PDGFC: variants seen among roughly 807,000 people sequenced by gnomAD.
The protein encoded by PDGFC is platelet-derived growth factor C.
In PDGFC, 12 loss-of-function variants were observed where a neutral mutation model predicts 35.5. The ratio of observed to expected loss-of-function variants is 0.34; its 90% CI spans 0.22 to 0.55. The LOEUF (loss-of-function observed/expected upper bound fraction) is 0.55. Ranked by LOEUF, PDGFC falls within the 20% of genes least tolerant of loss-of-function variation. PDGFC has a pLI of 0.91. For synonymous variants in PDGFC, 159 were observed against 148.8 expected, an observed-to-expected ratio of 1.07 and a Z score of -0.50; for missense variants, 322 against 412.4, an observed-to-expected ratio of 0.78 and a Z score of 1.90.
At chr4:156,901,490 T>C (rs527879477) in intron 1 of PDGFC, among the ~76,000 whole-genome samples, 1 of 152,086 alleles carries the variant, frequency 6.6e-6, no homozygotes. Context: ...GTACATGACA[T>C]ACAGCAATGG....
At chr4:156,787,958 G>C (rs770381059) in intron 3 of PDGFC, among the ~76,000 whole-genome samples, 4 of 152,128 alleles carry the variant, frequency 2.6e-5, no homozygotes, top group Non-Finnish European at 5.9e-5. Context: ...GTCTAGGAGA[G>C]GAGTAGAGAA....
intron 1 of PDGFC, among the ~76,000 whole-genome samples, chr4:156,900,830 G>A (rs1414103882): frequency 6.7e-6 from 1 of 149,896 alleles, no homozygotes; most frequent in Non-Finnish European, 1.5e-5. Context: ...GAGAGACCCT[G>A]TCTCAAAAAG....
intron 3 of PDGFC, among the ~76,000 whole-genome samples, chr4:156,775,944 G>T (rs923853635): frequency 3.3e-5 from 5 of 152,060 alleles, no homozygotes; most frequent in Admixed American, 3.3e-4. Flanking sequence ...AGGATTCAAA[G>T]AATCAATCCC....
chr4:156,874,305 G>T (rs1448879617), intron 1 of PDGFC, among the ~76,000 whole-genome samples: 3 of 152,086 alleles, frequency 2.0e-5, no homozygotes, highest in African/African-American at 7.2e-5. Flanking sequence ...CTTTTTCATA[G>T]AATTAAGAAG....
intron 1 of PDGFC, among the ~76,000 whole-genome samples, chr4:156,921,946 T>A (rs930509427): frequency 1.3e-5 from 2 of 152,144 alleles, no homozygotes; most frequent in East Asian, 3.9e-4. Context: ...CCCAGTGCAG[T>A]GATCGATGCA....
intron 1 of PDGFC, among the ~76,000 whole-genome samples, chr4:156,953,619 G>A (rs987472230): frequency 1.8e-4 from 27 of 151,782 alleles, no homozygotes; most frequent in African/African-American, 6.0e-4. Flanking sequence ...TTTACCGGAC[G>A]ATAAATACTT....
intron 2 of PDGFC, among the ~76,000 whole-genome samples, chr4:156,828,434 T>C (rs1357040579): frequency 6.6e-6 from 1 of 152,164 alleles, no homozygotes. Context: ...GTTTTAATTA[T>C]CTAATGAAAA....
intron 1 of PDGFC, among the ~76,000 whole-genome samples, chr4:156,934,244 C>T (rs909199139): frequency 2.0e-5 from 3 of 152,188 alleles, no homozygotes; most frequent in African/African-American, 7.2e-5. Flanking sequence ...CTACGTAGTA[C>T]AGCCTACTGC....
At chr4:156,768,043 G>T in intron 4 of PDGFC, 53 bp from the exon 5 acceptor site, 1 of 1,033,960 alleles carries the variant, frequency 9.7e-7, no homozygotes, top group South Asian at 1.3e-5. Context: ...CTTTGAGCCT[G>T]AATGTATTTC....
intron 1 of PDGFC, among the ~76,000 whole-genome samples, chr4:156,885,160 C>T (rs938081661): frequency 3.0e-5 from 4 of 132,160 alleles, no homozygotes; most frequent in Admixed American, 7.5e-5. Flanking sequence ...CATACATACA[C>T]ACACACACAC....
chr4:156,852,155 T>A (rs1033699238), intron 1 of PDGFC, among the ~76,000 whole-genome samples: 6 of 152,116 alleles, frequency 3.9e-5, no homozygotes, highest in Non-Finnish European at 8.8e-5. Flanking sequence ...TTTTATATAC[T>A]CATAATATCA....
rs1731915251 is a variant in PDGFC at position 156,810,905 on chromosome 4, T to C, written c.427A>G (p.Arg143Gly). 6.2e-7 allele frequency: 1 copy of C among 1,608,386 alleles called. No homozygotes were observed. The highest frequency in any genetic ancestry group is 1.7e-5 in the Admixed American group (1 of 59,808). ...QISKGNQIRIRFVSDEYFPSE... is the reference protein window; with the variant it reads ...QISKGNQIRIGFVSDEYFPSE... ...GGAAAATATTCATCAGATACAAATC[T>C]TATCCTAATTTGATTTCCTTTAGAA... The change falls in exon 3 of 6, where the codon AGA (arginine) becomes GGA (glycine). Residue 143 changes from arginine to glycine, a missense_variant. By Grantham distance (125) the Arg-to-Gly change is moderately radical. Coordinates refer to ENST00000502773, the MANE Select transcript of PDGFC (RefSeq NM_016205.3).
chr4:156,923,072 T>C (rs889182566), intron 1 of PDGFC, among the ~76,000 whole-genome samples: 3 of 152,196 alleles, frequency 2.0e-5, no homozygotes, highest in East Asian at 1.9e-4. Context: ...TTTATTTCCA[T>C]GCAAAATCTT....
intron 1 of PDGFC, among the ~76,000 whole-genome samples, chr4:156,894,922 C>T (rs978751118): frequency 3.3e-5 from 5 of 152,076 alleles, no homozygotes; most frequent in African/African-American, 1.2e-4. Flanking sequence ...TTTTCACAGC[C>T]CCTGGAAATG....
chr4:156,846,647 C>T, intron 2 of PDGFC, among the ~76,000 whole-genome samples: 1 of 151,772 alleles, frequency 6.6e-6, no homozygotes, highest in Non-Finnish European at 1.5e-5. Context: ...GTAAGAGTTT[C>T]ATATTAATGT....
intron 1 of PDGFC, among the ~76,000 whole-genome samples, chr4:156,889,829 G>A (rs917651992): frequency 5.3e-5 from 8 of 152,110 alleles, no homozygotes; most frequent in African/African-American, 9.7e-5. Flanking sequence ...TGCATGTTAC[G>A]TCTAAATGGT....
At chr4:156,845,279 T>C (rs764899589) in intron 2 of PDGFC, among the ~76,000 whole-genome samples, 3 of 151,690 alleles carry the variant, frequency 2.0e-5, no homozygotes, top group Non-Finnish European at 4.4e-5. Context: ...ATATGAACAA[T>C]TTAAAAATAA....
At chr4:156,824,434 G>A (rs996480983) in intron 2 of PDGFC, among the ~76,000 whole-genome samples, 2 of 148,676 alleles carry the variant, frequency 1.3e-5, no homozygotes, top group African/African-American at 2.5e-5. Flanking sequence ...ATATATACAC[G>A]TTTACCATAA....
intron 1 of PDGFC, among the ~76,000 whole-genome samples, chr4:156,960,180 T>C (rs1156563178): frequency 2.7e-5 from 4 of 150,494 alleles, no homozygotes; most frequent in African/African-American, 4.9e-5. Flanking sequence ...GCTTTTGAAA[T>C]AGACAGTTTT....
Sources: allele counts gnomAD v4.1 joint callset (sites outside exome capture counted in the v4.1 genomes callset), GRCh38; gene constraint gnomAD v4.1.1; transcripts MANE v1.5; gene names NCBI Gene and HGNC (gene_info 2026-07-23, HGNC 2026-07-21).